FRMD3: variants seen among roughly 807,000 people sequenced by gnomAD.
FRMD3 encodes FERM domain-containing protein 3.
In FRMD3, 33 loss-of-function variants were observed where a neutral mutation model predicts 70.2. The ratio of observed to expected loss-of-function variants is 0.47; its 90% CI spans 0.36 to 0.63. The LOEUF is 0.63. FRMD3 is among the 20% of genes least tolerant of loss of function. FRMD3 has a pLI of 0.00. For missense variants in FRMD3, 632 were observed against 711.4 expected, an observed-to-expected ratio of 0.89 and a Z score of 1.27; for synonymous variants, 279 against 255.9, an observed-to-expected ratio of 1.09 and a Z score of -0.86.
At chr9:83,425,280 G>A (rs1253070960) in intron 1 of FRMD3, among the ~76,000 whole-genome samples, 1 of 152,194 alleles carries the variant, frequency 6.6e-6, no homozygotes, top group Non-Finnish European at 1.5e-5. Flanking sequence ...GAGTGAGCTT[G>A]TAACAAGGTC....
intron 1 of FRMD3, among the ~76,000 whole-genome samples, chr9:83,490,760 C>T (rs1216587625): frequency 1.5e-5 from 2 of 133,456 alleles, no homozygotes; most frequent in African/African-American, 5.9e-5. Flanking sequence ...GTTTTTTACT[C>T]TCTTCTCTCT....
At chr9:83,260,666 C>CA (rs1023429836) in intron 13 of FRMD3, among the ~76,000 whole-genome samples, 1 of 152,152 alleles carries the variant, frequency 6.6e-6, no homozygotes, top group African/African-American at 2.4e-5. Context: ...CACACATACA[C>CA]AAAAACCACT....
chr9:83,416,560 C>T (rs1234266486), intron 1 of FRMD3, among the ~76,000 whole-genome samples: 4 of 152,198 alleles, frequency 2.6e-5, no homozygotes, highest in Non-Finnish European at 5.9e-5. Flanking sequence ...AGCAAAGGGG[C>T]TTGGCACCTA....
chr9:83,522,280 C>T (rs920853887), intron 1 of FRMD3, among the ~76,000 whole-genome samples: 1 of 152,042 alleles, frequency 6.6e-6, no homozygotes, highest in Non-Finnish European at 1.5e-5. Flanking sequence ...TACTTAATGC[C>T]ACTAAACTGC....
the FRMD3 span, among the ~76,000 whole-genome samples, chr9:83,562,759 G>A: frequency 6.6e-6 from 1 of 152,120 alleles, no homozygotes; most frequent in Non-Finnish European, 1.5e-5. Flanking sequence ...TGTTAAACTT[G>A]CAATACTAAT....
chr9:83,303,426 C>T (rs867082207), intron 10 of FRMD3, among the ~76,000 whole-genome samples: 14 of 152,166 alleles, frequency 9.2e-5, no homozygotes, highest in African/African-American at 2.7e-4. Context: ...ATGCTCTAGT[C>T]GTACTGGCTC....
intron 2 of FRMD3, 85 bp from the exon 3 acceptor site, chr9:83,373,040 A>G: frequency 9.0e-7 from 1 of 1,115,452 alleles, no homozygotes; most frequent in Non-Finnish European, 1.4e-6. Context: ...AAGGAATTCC[A>G]AAGTACAGCC....
chr9:83,284,607 A>AAAAC (rs886828830), intron 13 of FRMD3, among the ~76,000 whole-genome samples: 13 of 152,326 alleles, frequency 8.5e-5, no homozygotes, highest in East Asian at 1.9e-4. Context: ...ACTCCATCTC[A>AAAAC]AAACAAACAA....
intron 4 of FRMD3, among the ~76,000 whole-genome samples, chr9:83,348,011 G>A (rs1437273655): frequency 1.3e-5 from 2 of 152,066 alleles, no homozygotes. Flanking sequence ...GAGAAACTAG[G>A]GTTATTAACT....
At chr9:83,352,661 T>C (rs1173386209) in intron 3 of FRMD3, among the ~76,000 whole-genome samples, 2 of 152,190 alleles carry the variant, frequency 1.3e-5, no homozygotes, top group East Asian at 3.8e-4. Context: ...ATAAACATCC[T>C]GGTCCTCTTC....
chr9:83,439,775 T>C (rs1387695713), intron 1 of FRMD3, among the ~76,000 whole-genome samples: 4 of 152,212 alleles, frequency 2.6e-5, no homozygotes. Flanking sequence ...ACTTTCCCTG[T>C]GGGCAATGAC....
chr9:83,424,566 T>C (rs952127756), intron 1 of FRMD3, among the ~76,000 whole-genome samples: 1 of 152,208 alleles, frequency 6.6e-6, no homozygotes, highest in African/African-American at 2.4e-5. Flanking sequence ...GTGGCTGCAT[T>C]AGTACAACAT....
chr9:83,391,691 C>A (rs1453238864), intron 1 of FRMD3, among the ~76,000 whole-genome samples: 1 of 152,012 alleles, frequency 6.6e-6, no homozygotes, highest in Non-Finnish European at 1.5e-5. Context: ...CTACTGAAGA[C>A]CCTTGAGAGA....
chr9:83,395,093 C>G (rs1258292483), intron 1 of FRMD3, among the ~76,000 whole-genome samples: 1 of 151,796 alleles, frequency 6.6e-6, no homozygotes, highest in African/African-American at 2.4e-5. Context: ...AAAATCCTGC[C>G]CTTTGTAAAA....
chr9:83,331,924 G>T, intron 6 of FRMD3: 2 of 715,082 alleles, frequency 2.8e-6, no homozygotes, highest in Non-Finnish European at 5.2e-6. Flanking sequence ...TCAGAGAGTT[G>T]TAAGCAGAAG....
chr9:83,521,169 C>A (rs1320919238), intron 1 of FRMD3, among the ~76,000 whole-genome samples: 2 of 151,666 alleles, frequency 1.3e-5, no homozygotes, highest in Non-Finnish European at 2.9e-5. Flanking sequence ...CTCCTAATTT[C>A]CTGGCCTATA....
At chr9:83,288,915 C>T (rs528822500) in intron 13 of FRMD3, among the ~76,000 whole-genome samples, 3 of 152,254 alleles carry the variant, frequency 2.0e-5, no homozygotes, top group East Asian at 1.9e-4. Flanking sequence ...CCTAGGGTTC[C>T]GTATTCCCCA....
chr9:83,403,802 G>A lies in FRMD3; in HGVS notation c.148-14094C>T, dbSNP rs146580803. On this transcript the variant is annotated intron_variant, in intron 1 of 13. Coordinates refer to ENST00000304195, the MANE Select transcript of FRMD3 (RefSeq NM_174938.6). ...ACCCTAGCACCAGCCTTATTTGGTC[G>A]AATGACCTTCTAGAAATGTAAGACT... is the stretch of plus-strand genomic sequence containing the variant. 8.5e-4 allele frequency among the ~76,000 whole-genome samples: 130 copies of A among 152,164 alleles called. No homozygotes were observed. In the Middle Eastern group the frequency reaches 0.01, roughly 12 times the overall value.
At chr9:83,429,866 G>A (rs953951639) in intron 1 of FRMD3, among the ~76,000 whole-genome samples, 2 of 152,024 alleles carry the variant, frequency 1.3e-5, no homozygotes, top group African/African-American at 4.8e-5. Context: ...GCAGAGATGC[G>A]AATGATTCTC....
Sources: gnomAD v4.1 joint callset for allele counts (sites outside exome capture counted in the v4.1 genomes callset) on GRCh38, gnomAD v4.1.1 for gene constraint, MANE v1.5 for transcripts, NCBI Gene and HGNC (gene_info 2026-07-23, HGNC 2026-07-21) for gene names.